FHIT: variants seen among roughly 807,000 people sequenced by gnomAD.
FHIT encodes bis(5'-adenosyl)-triphosphatase.
Under a neutral mutation model 17.9 loss-of-function variants are expected in FHIT, and 19 were observed. The observed-to-expected ratio is 1.06, with a 90% CI of 0.74 to 1.56. The LOEUF is 1.56. FHIT is among the 40% of genes most tolerant of loss of function. FHIT has a pLI of 0.00. For synonymous variants in FHIT, 81 were observed against 69.7 expected (o/e 1.16, Z -0.81); for missense variants, 248 against 189.2 (o/e 1.31, Z -1.82).
chr3:61,041,365 G>T (rs2033506000), intron 3 of FHIT, among the ~76,000 whole-genome samples: 1 of 151,258 alleles, frequency 6.6e-6, no homozygotes, highest in Admixed American at 6.6e-5. Context: ...GACAGAGCCT[G>T]GCTCCATCTA....
chr3:60,694,209 T>C (rs994871480), intron 4 of FHIT, among the ~76,000 whole-genome samples: 1 of 152,070 alleles, frequency 6.6e-6, no homozygotes, highest in African/African-American at 2.4e-5. Flanking sequence ...TCTCTGGGCA[T>C]GATCCTGCCT....
chr3:60,264,345 A>C (rs1706462114), intron 5 of FHIT, among the ~76,000 whole-genome samples: 1 of 151,466 alleles, frequency 6.6e-6, no homozygotes, highest in Non-Finnish European at 1.5e-5. Context: ...GCACTCACTG[A>C]TAAAGCCTTC....
At chr3:61,040,897 C>T (rs1228848888) in intron 3 of FHIT, among the ~76,000 whole-genome samples, 1 of 152,176 alleles carries the variant, frequency 6.6e-6, no homozygotes, top group Middle Eastern at 3.2e-3. Flanking sequence ...GGTAACCCCT[C>T]AGGGAGGGAG....
At position 59,749,130 on chromosome 3, in the gene FHIT, T is replaced by C. The variant is rs1700743370; in HGVS notation, c.*455A>G. Reference sequence around the variant, plus strand: ...CATAATTGCCCTATTTACTAACACATTTCAGGGGTTTCATGAACCACTTAA... The same window carrying C: ...CATAATTGCCCTATTTACTAACACACTTCAGGGGTTTCATGAACCACTTAA... On this transcript the variant is annotated 3_prime_UTR_variant, in exon 10 of 10. Transcript: ENST00000492590. Among the ~76,000 whole-genome samples, 1 of 152,136 alleles carries C rather than the reference T, an allele frequency of 6.6e-6. No individual in the cohort carries two copies. Among genetic ancestry groups the C allele is most frequent in the African/African-American group, 2.4e-5 (1 of 41,440 alleles).
At chr3:60,376,971 T>C (rs1286945521) in intron 5 of FHIT, among the ~76,000 whole-genome samples, 1 of 152,204 alleles carries the variant, frequency 6.6e-6, no homozygotes, top group Non-Finnish European at 1.5e-5. Context: ...GATTTGTTCA[T>C]CCATCCATTT....
intron 8 of FHIT, among the ~76,000 whole-genome samples, chr3:59,921,524 T>G (rs1266415989): frequency 6.6e-6 from 1 of 152,256 alleles, no homozygotes; most frequent in Non-Finnish European, 1.5e-5. Context: ...CACAGCATTT[T>G]TCCTTGCATC....
intron 3 of FHIT, among the ~76,000 whole-genome samples, chr3:60,873,489 C>T (rs1553755541): frequency 6.6e-6 from 1 of 152,188 alleles, no homozygotes; most frequent in African/African-American, 2.4e-5. Flanking sequence ...TGTGTGTTCT[C>T]CCGACAAAGG....
chr3:60,869,216 G>A (rs966778707), intron 3 of FHIT, among the ~76,000 whole-genome samples: 31 of 152,066 alleles, frequency 2.0e-4, no homozygotes, highest in African/African-American at 7.5e-4. Context: ...TAATTTTTGA[G>A]GACAATTATT....
intron 5 of FHIT, among the ~76,000 whole-genome samples, chr3:60,342,500 G>A (rs889312870): frequency 7.2e-5 from 11 of 152,168 alleles, no homozygotes; most frequent in East Asian, 1.9e-4. Flanking sequence ...TACAGTTTGT[G>A]TCTTTAAATA....
chr3:59,788,881 G>GGTTTTTTTTTTTTTTT, intron 8 of FHIT, among the ~76,000 whole-genome samples: 1 of 86,840 alleles, frequency 1.2e-5, no homozygotes, highest in South Asian at 4.6e-4. Context: ...GAGTTCATAT[G>GGTTTTTTTTTTTTTTT]TTTTTTTTTT....
intron 5 of FHIT, among the ~76,000 whole-genome samples, chr3:60,106,668 G>C (rs763276300): frequency 2.6e-5 from 4 of 152,154 alleles, no homozygotes; most frequent in Non-Finnish European, 5.9e-5. Context: ...CTTCCCAGAA[G>C]AGATGAGACT....
At chr3:60,912,003 A>G (rs1159629367) in intron 3 of FHIT, among the ~76,000 whole-genome samples, 2 of 151,864 alleles carry the variant, frequency 1.3e-5, no homozygotes, top group Non-Finnish European at 2.9e-5. Flanking sequence ...TAAATCTCCC[A>G]TCTCATGGGT....
chr3:59,866,757 A>G (rs1702670313), intron 8 of FHIT, among the ~76,000 whole-genome samples: 1 of 152,192 alleles, frequency 6.6e-6, no homozygotes, highest in African/African-American at 2.4e-5. Context: ...GAATAGAATA[A>G]TTGCCACTTC....
At chr3:59,904,794 T>A (rs1316533039) in intron 8 of FHIT, among the ~76,000 whole-genome samples, 1 of 152,210 alleles carries the variant, frequency 6.6e-6, no homozygotes, top group Non-Finnish European at 1.5e-5. Context: ...TCTCCCTACC[T>A]GAAGGTGAGA....
chr3:59,879,645 C>T (rs979783133), intron 8 of FHIT, among the ~76,000 whole-genome samples: 19 of 152,134 alleles, frequency 1.2e-4, no homozygotes, highest in Middle Eastern at 3.2e-3. Flanking sequence ...AATGACCTAA[C>T]ATTACGTAGG....
chr3:60,017,330 C>A (rs996053422), intron 5 of FHIT, among the ~76,000 whole-genome samples: 3 of 152,162 alleles, frequency 2.0e-5, no homozygotes, highest in Non-Finnish European at 4.4e-5. Context: ...TTCATCCTAA[C>A]AGAGAATCGT....
At chr3:60,490,449 A>G (rs2034016886) in intron 5 of FHIT, among the ~76,000 whole-genome samples, 1 of 152,074 alleles carries the variant, frequency 6.6e-6, no homozygotes, top group Non-Finnish European at 1.5e-5. Flanking sequence ...ACAACCTATT[A>G]TTTATTTACC....
intron 4 of FHIT, among the ~76,000 whole-genome samples, chr3:60,800,037 A>G (rs926094973): frequency 1.4e-4 from 22 of 152,152 alleles, no homozygotes; most frequent in Admixed American, 1.3e-3. Flanking sequence ...TTCTGGACCT[A>G]TCGAACCATT....
intron 8 of FHIT, among the ~76,000 whole-genome samples, chr3:59,838,108 T>G (rs961247096): frequency 6.6e-6 from 1 of 152,118 alleles, no homozygotes; most frequent in African/African-American, 2.4e-5. Flanking sequence ...GCTGTCCCAC[T>G]CCTGCTTTTG....
Sources: allele counts gnomAD v4.1 joint callset (sites outside exome capture counted in the v4.1 genomes callset), GRCh38; gene constraint gnomAD v4.1.1; transcripts MANE v1.5; gene names NCBI Gene and HGNC (gene_info 2026-07-23, HGNC 2026-07-21).